Variants in PBX1 observed in about 807,000 individuals in gnomAD.
PBX1 encodes PBX homeobox 1.
In PBX1, 6 loss-of-function variants were observed where a neutral mutation model predicts 53.4. The ratio of observed to expected loss-of-function variants is 0.11; its 90% CI spans 0.06 to 0.22. The LOEUF is 0.22. Ranked by LOEUF, PBX1 falls within the 10% of genes least tolerant of loss-of-function variation. PBX1 has a pLI of 1.00. For missense variants in PBX1, 251 were observed against 551.4 expected (o/e 0.46, Z 5.46); for synonymous variants, 204 against 212.3 (o/e 0.96, Z 0.34).
At chr1:164,598,952 G>A (rs970036505) in intron 2 of PBX1, among the ~76,000 whole-genome samples, 3 of 152,042 alleles carry the variant, frequency 2.0e-5, no homozygotes, top group South Asian at 2.1e-4. Context: ...GTGGCTGAGC[G>A]TTAATTTGAA....
At chr1:164,797,578 T>C (rs1209996071) in intron 3 of PBX1, among the ~76,000 whole-genome samples, 1 of 152,174 alleles carries the variant, frequency 6.6e-6, no homozygotes, top group East Asian at 1.9e-4. Context: ...GACCCGATCT[T>C]CTATGGATTT....
At chr1:164,610,165 A>G (rs1478969649) in intron 2 of PBX1, among the ~76,000 whole-genome samples, 1 of 152,134 alleles carries the variant, frequency 6.6e-6, no homozygotes. Context: ...CCTGCTTGCC[A>G]TCAGCCCAAT....
intron 2 of PBX1, among the ~76,000 whole-genome samples, chr1:164,694,031 A>G (rs1178343830): frequency 6.6e-6 from 1 of 152,126 alleles, no homozygotes; most frequent in Non-Finnish European, 1.5e-5. Context: ...GATGTCACAG[A>G]ACTAGAGAGA....
At chr1:164,826,493 C>T (rs941203645) in intron 8 of PBX1, among the ~76,000 whole-genome samples, 1 of 152,056 alleles carries the variant, frequency 6.6e-6, no homozygotes, top group African/African-American at 2.4e-5. Context: ...CAACCTCTGC[C>T]TCCTGGGTTC....
At chr1:164,882,807 G>A (rs1404672070) in intron 2 of PBX1, among the ~76,000 whole-genome samples, 1 of 152,022 alleles carries the variant, frequency 6.6e-6, no homozygotes. Flanking sequence ...TATTTTATAG[G>A]GGTATCTGTA....
rs1396307551 is a variant in PBX1 at position 164,786,733 on chromosome 1, A to G, written c.266-5761A>G. Among the ~76,000 whole-genome samples, 786 of 142,634 alleles carry G rather than the reference A, an allele frequency of 5.5e-3. 11 individuals carry two copies. Among genetic ancestry groups the G allele is most frequent in the African/African-American group, 0.021 (742 of 35,906 alleles). 93.6% of individuals were successfully genotyped at this position (142,634 alleles called of 152,430 possible). ...TGTGTGTGTGTGTGCGCGCGCACAC[A>G]CACACACGCACAGAATAGATATCAC... On this transcript the variant is annotated intron_variant, in intron 2 of 8. Coordinates refer to ENST00000420696, the MANE Select transcript of PBX1 (RefSeq NM_002585.4).
chr1:164,834,942 A>G (rs1670960509), intron 8 of PBX1, among the ~76,000 whole-genome samples: 1 of 152,204 alleles, frequency 6.6e-6, no homozygotes, highest in Non-Finnish European at 1.5e-5. Context: ...ATTAGTATTT[A>G]ATGTAGAAAA....
intron 2 of PBX1, among the ~76,000 whole-genome samples, chr1:164,730,782 TC>T (rs1335173753): frequency 6.6e-6 from 1 of 152,194 alleles, no homozygotes; most frequent in African/African-American, 2.4e-5. Flanking sequence ...GTCAGCTCTG[TC>T]CCCTTGGTGC....
At chr1:164,770,197 T>G (rs1667291897) in intron 2 of PBX1, 1 of 152,218 alleles carries the variant, frequency 6.6e-6, no homozygotes, top group Admixed American at 6.5e-5. Flanking sequence ...CTCTGCCTTT[T>G]TAGAGAATGC....
At chr1:164,807,727 C>G in intron 5 of PBX1, 50 bp downstream of exon 5, 1 of 1,601,618 alleles carries the variant, frequency 6.2e-7, no homozygotes, top group Non-Finnish European at 8.5e-7. Context: ...ATGGCGGGGC[C>G]TCCGGGGCAG....
chr1:164,800,574 T>C (rs1355866591), intron 4 of PBX1, among the ~76,000 whole-genome samples: 3 of 152,220 alleles, frequency 2.0e-5, no homozygotes, highest in Non-Finnish European at 4.4e-5. Context: ...CAAGTGGTCA[T>C]CTCTTGTTTC....
In PBX1 at chr1:164,559,972, T is replaced by C; in HGVS notation, c.150T>C (p.Ile50=). The change falls in exon 1 of 9, where the codon ATT becomes ATC. Residue 50 remains isoleucine, a synonymous_variant. Coordinates refer to ENST00000420696, the MANE Select transcript of PBX1 (RefSeq NM_002585.4). ...ACATTGGAGACATTTTACAGCAAAT[T>C]ATGACCATCACAGACCAGAGTTTGG... ...KQDIGDILQQ[I]MTITDQSLDE... 6.5e-7 allele frequency: 1 copy of C among 1,531,976 alleles called. No individual in the cohort carries two copies. Among genetic ancestry groups the C allele is most frequent in the Non-Finnish European group, 8.8e-7 (1 of 1,136,302 alleles). The allele number at this position is 1,531,976 out of a possible 1,614,324, so 94.9% of individuals were successfully genotyped here.
At chr1:164,563,019 T>C (rs1355096365) in intron 1 of PBX1, 3 of 354,314 alleles carry the variant, frequency 8.5e-6, no homozygotes, top group Non-Finnish European at 1.5e-5. Context: ...TTAGTTCTGT[T>C]CTGTAGTTAA....
intron 2 of PBX1, among the ~76,000 whole-genome samples, chr1:164,861,841 G>A (rs1672105931): frequency 6.6e-6 from 1 of 152,206 alleles, no homozygotes; most frequent in Non-Finnish European, 1.5e-5. Context: ...AAGGCCCTGG[G>A]GCAGGAACAT....
intron 2 of PBX1, chr1:164,576,999 A>T: frequency 6.6e-6 from 1 of 152,246 alleles, no homozygotes; most frequent in East Asian, 1.9e-4. Flanking sequence ...GCGTGTGAGC[A>T]CGTGGGTGAG....
At chr1:164,613,447 G>A (rs1243278480) in intron 2 of PBX1, among the ~76,000 whole-genome samples, 1 of 152,106 alleles carries the variant, frequency 6.6e-6, no homozygotes, top group Non-Finnish European at 1.5e-5. Context: ...CTGGCAAACT[G>A]TTTTTCCTCC....
intron 2 of PBX1, among the ~76,000 whole-genome samples, chr1:164,857,149 A>G (rs1389775882): frequency 6.6e-6 from 1 of 152,184 alleles, no homozygotes; most frequent in Non-Finnish European, 1.5e-5. Flanking sequence ...GACACCAGCA[A>G]CAAGTATTGT....
intron 2 of PBX1, among the ~76,000 whole-genome samples, chr1:164,744,242 T>C (rs887688864): frequency 6.6e-6 from 1 of 152,192 alleles, no homozygotes; most frequent in Non-Finnish European, 1.5e-5. Context: ...GGGGATTATA[T>C]TTCCTAGGTT....
At chr1:164,785,581 A>G (rs1311488586) in intron 2 of PBX1, among the ~76,000 whole-genome samples, 1 of 152,206 alleles carries the variant, frequency 6.6e-6, no homozygotes, top group African/African-American at 2.4e-5. Flanking sequence ...TCATGTACCC[A>G]CAAGCCTCAA....
Sources: gnomAD v4.1 joint callset for allele counts (sites outside exome capture counted in the v4.1 genomes callset) on GRCh38, gnomAD v4.1.1 for gene constraint, MANE v1.5 for transcripts, NCBI Gene and HGNC (gene_info 2026-07-23, HGNC 2026-07-21) for gene names.